Variants in SPRR2B observed in about 807,000 individuals in gnomAD.
The protein encoded by SPRR2B is small proline rich protein 2B.
SPRR2B carries 1 observed loss-of-function variant against 1.0 expected under a neutral mutation model. That is an observed-to-expected ratio of 1.01 (90% CI 0.36 to 4.77). SPRR2B has a LOEUF of 4.77. Among genes scored for constraint, SPRR2B ranks in the 30% most tolerant of loss-of-function variants. The probability of loss-of-function intolerance (pLI) is 0.16; values close to 1 mark genes in which losing one functional copy is unlikely to be tolerated. For synonymous variants in SPRR2B, 27 were observed against 33.4 expected, an observed-to-expected ratio of 0.81 and a Z score of 0.66; for missense variants, 53 against 88.7, an observed-to-expected ratio of 0.60 and a Z score of 1.62.
rs901239154 is a variant in SPRR2B, at chr1:153,070,341, G to C, written c.*280C>G. 7 of 574,478 alleles carry C rather than the reference G, an allele frequency of 1.2e-5. No homozygotes were observed. The highest frequency in any genetic ancestry group is 1.5e-5 in the Non-Finnish European group (5 of 335,362). 35.6% of individuals were successfully genotyped at this position (574,478 alleles called of 1,614,324 possible). On this transcript the variant is annotated 3_prime_UTR_variant, in exon 2 of 2. Transcript: ENST00000368755. ...GAACACATCAACAGAATTCTCTGAT[G>C]GTTCCCAGGCACACAGCTGCAGCTC... is the stretch of plus-strand genomic sequence containing the variant.
At chr1:153,081,825 C>CTTTTCTT in the SPRR2B span, among the ~76,000 whole-genome samples, 28 of 137,004 alleles carry the variant, frequency 2.0e-4, no homozygotes, top group African/African-American at 5.6e-4. Context: ...CTTTTCTTTT[C>CTTTTCTT]TTTTTTTTTT....
At chr1:153,083,014 G>A in the SPRR2B span, among the ~76,000 whole-genome samples, 1 of 152,106 alleles carries the variant, frequency 6.6e-6, no homozygotes, top group South Asian at 2.1e-4. Context: ...TAAAAGAAAG[G>A]AGGAACATTA....
chr1:153,078,592 C>T, the SPRR2B span, among the ~76,000 whole-genome samples: 2 of 152,036 alleles, frequency 1.3e-5, no homozygotes, highest in Non-Finnish European at 2.9e-5. Flanking sequence ...CAATTCCCAC[C>T]TATGAGTGAG....
chr1:153,070,702 T>G lies in SPRR2B; in HGVS notation c.138A>C (p.Pro46=). 1 of 1,610,646 alleles carries G rather than the reference T, an allele frequency of 6.2e-7. No individual in the cohort carries two copies. The change falls in exon 2 of 2, where the codon CCA becomes CCC. Residue 46 remains proline (P), a synonymous_variant. Coordinates refer to ENST00000368755, the MANE Select transcript of SPRR2B (RefSeq NM_001388198.1). ...GATATTTCTGCTGGCACTGCTGAGG[T>G]GGGCAGGGCTGTGGACACTTTGGTG... ...CPPPKCPQPC[P]PQQCQQKYPP... is the part of the protein sequence containing the mutation.
At chr1:153,084,324 C>T in the SPRR2B span, among the ~76,000 whole-genome samples, 8 of 152,246 alleles carry the variant, frequency 5.3e-5, no homozygotes, top group African/African-American at 1.7e-4. Flanking sequence ...AGAGTACAGT[C>T]AGCTTCCTTC....
upstream of SPRR2B, among the ~76,000 whole-genome samples, chr1:153,075,367 A>G (rs1654752568): frequency 6.6e-6 from 1 of 152,030 alleles, no homozygotes; most frequent in Non-Finnish European, 1.5e-5. Context: ...ATAAATTTCA[A>G]AAAATAAAAA....
the SPRR2B span, among the ~76,000 whole-genome samples, chr1:153,081,824 T>TCTTTC: frequency 7.5e-6 from 1 of 132,638 alleles, no homozygotes; most frequent in East Asian, 2.0e-4. Flanking sequence ...TCTTTTCTTT[T>TCTTTC]CTTTTTTTTT....
upstream of SPRR2B, among the ~76,000 whole-genome samples, chr1:153,075,159 G>A (rs1274482671): frequency 6.6e-6 from 1 of 151,970 alleles, no homozygotes; most frequent in Non-Finnish European, 1.5e-5. Flanking sequence ...GCCTGGCCAA[G>A]ATGGTGAAAC....
the SPRR2B span, among the ~76,000 whole-genome samples, chr1:153,084,544 C>T: frequency 2.0e-5 from 3 of 152,136 alleles, no homozygotes; most frequent in East Asian, 3.9e-4. Context: ...ACCAACAACA[C>T]TACAAGTGTG....
At chr1:153,087,184 G>A in the SPRR2B span, among the ~76,000 whole-genome samples, 1 of 152,108 alleles carries the variant, frequency 6.6e-6, no homozygotes, top group Non-Finnish European at 1.5e-5. Flanking sequence ...AGAGGCTAAG[G>A]CAGGAGAATT....
the SPRR2B span, among the ~76,000 whole-genome samples, chr1:153,082,650 C>T: frequency 1.1e-4 from 16 of 152,022 alleles, no homozygotes; most frequent in South Asian, 1.2e-3. Flanking sequence ...AATTAGAAAT[C>T]GCTTGAGACT....
chr1:153,075,349 AT>A (rs199918034), upstream of SPRR2B, among the ~76,000 whole-genome samples: 6 of 152,102 alleles, frequency 3.9e-5, no homozygotes, highest in East Asian at 5.8e-4. Flanking sequence ...CTCAAAAAAA[AT>A]AAATAAATAA....
chr1:153,076,172 T>C (rs920496915), upstream of SPRR2B, among the ~76,000 whole-genome samples: 6 of 152,202 alleles, frequency 3.9e-5, no homozygotes, highest in Admixed American at 3.9e-4. Flanking sequence ...AATATCACAT[T>C]CCTTCTGCAG....
the SPRR2B span, among the ~76,000 whole-genome samples, chr1:153,077,098 A>G: frequency 6.6e-6 from 1 of 152,242 alleles, no homozygotes; most frequent in Non-Finnish European, 1.5e-5. Flanking sequence ...TCTTGAAAGC[A>G]GCAAGAGGGA....
the SPRR2B span, among the ~76,000 whole-genome samples, chr1:153,087,173 G>A: frequency 3.6e-3 from 550 of 152,158 alleles, 1 homozygote; most frequent in African/African-American, 0.013. Flanking sequence ...ACAGCTACTC[G>A]AGAGGCTAAG....
chr1:153,072,676 T>C (rs910802485), upstream of SPRR2B, among the ~76,000 whole-genome samples: 4 of 152,228 alleles, frequency 2.6e-5, no homozygotes, highest in East Asian at 7.7e-4. Context: ...TATTATTTTA[T>C]TTGTTTGTAT....
rs1654626511 is a variant in SPRR2B at position 153,070,338 on chromosome 1, G to A, written c.*283C>T. ...ACAGAACACATCAACAGAATTCTCT[G>A]ATGGTTCCCAGGCACACAGCTGCAG... On this transcript the variant is annotated 3_prime_UTR_variant, in exon 2 of 2. Coordinates refer to ENST00000368755, the MANE Select transcript of SPRR2B (RefSeq NM_001388198.1). 3 of 572,120 alleles carry A rather than the reference G, an allele frequency of 5.2e-6. No homozygotes were observed. The highest frequency in any genetic ancestry group is 9.0e-6 in the Non-Finnish European group (3 of 333,318). The allele number at this position is 572,120 out of a possible 1,614,324, so 35.4% of individuals were successfully genotyped here. A position where few individuals can be genotyped will look rare whatever the true frequency, so the allele number is the denominator to read the frequency against.
the SPRR2B span, among the ~76,000 whole-genome samples, chr1:153,084,798 G>T: frequency 6.6e-6 from 1 of 152,164 alleles, no homozygotes; most frequent in Middle Eastern, 3.2e-3. Context: ...GTGAACAGGG[G>T]TCAGGGAGCA....
chr1:153,085,478 G>C, the SPRR2B span, among the ~76,000 whole-genome samples: 1 of 152,140 alleles, frequency 6.6e-6, no homozygotes, highest in Non-Finnish European at 1.5e-5. Context: ...GACAAGAAAA[G>C]ATAGAAATGA....
Sources: gnomAD v4.1 joint callset for allele counts (sites outside exome capture counted in the v4.1 genomes callset) on GRCh38, gnomAD v4.1.1 for gene constraint, MANE v1.5 for transcripts, NCBI Gene and HGNC (gene_info 2026-07-23, HGNC 2026-07-21) for gene names.